The following NOX4 variants were observed in gnomAD, a reference collection of about 807,000 sequenced individuals.
The protein encoded by NOX4 is kidney oxidase-1.
In NOX4, 69 loss-of-function variants were observed where a neutral mutation model predicts 87.6. The observed-to-expected ratio is 0.79, with a 90% CI of 0.65 to 0.96. NOX4 has a LOEUF of 0.96. NOX4 is among the 40% of genes least tolerant of loss of function. The probability of loss-of-function intolerance (pLI) is 0.00; values close to 1 mark genes in which losing one functional copy is unlikely to be tolerated. For missense variants in NOX4, 680 were observed against 681.5 expected, an observed-to-expected ratio of 1.00 and a Z score of 0.02; for synonymous variants, 275 against 238.2, an observed-to-expected ratio of 1.15 and a Z score of -1.42.
the NOX4 span, among the ~76,000 whole-genome samples, chr11:89,523,155 C>G: frequency 1.3e-5 from 2 of 152,126 alleles, no homozygotes; most frequent in African/African-American, 4.8e-5. Flanking sequence ...TCCCGATTAG[C>G]TGGGACTACA....
In NOX4 at chr11:89,459,975, G is replaced by A. The variant is rs544712094; in HGVS notation, c.154-8080C>T. 1.2e-4 allele frequency among the ~76,000 whole-genome samples: 18 copies of A among 152,174 alleles called. 1 individual carries two copies. The East Asian group carries it at 2.1e-3, about 18-fold the overall frequency. ...TACCAAAACAGAGATATAGACCAATGGAACAGAACAGAGCCCTCAGAAATA... is the reference window on the plus strand; with the variant it reads ...TACCAAAACAGAGATATAGACCAATAGAACAGAACAGAGCCCTCAGAAATA... On this transcript the variant is annotated intron_variant, in intron 2 of 17. Transcript: ENST00000263317.
At chr11:89,439,004 A>G (rs1441337486) in intron 6 of NOX4, among the ~76,000 whole-genome samples, 1 of 110,580 alleles carries the variant, frequency 9.0e-6, no homozygotes, top group Non-Finnish European at 1.7e-5. Context: ...ATATAATATT[A>G]GTAATATTAG....
chr11:89,343,321 A>G (rs559676294), intron 13 of NOX4, among the ~76,000 whole-genome samples: 1 of 152,336 alleles, frequency 6.6e-6, no homozygotes, highest in South Asian at 2.1e-4. Flanking sequence ...AACGGTATCA[A>G]TGAGTGCCTA....
At chr11:89,511,675 A>T in the NOX4 span, among the ~76,000 whole-genome samples, 5 of 152,020 alleles carry the variant, frequency 3.3e-5, no homozygotes, top group African/African-American at 1.2e-4. Context: ...TCTTGAAGCC[A>T]AAGTGGAAGC....
chr11:89,430,371 A>C (rs927042412), intron 7 of NOX4, among the ~76,000 whole-genome samples: 3 of 152,196 alleles, frequency 2.0e-5, no homozygotes, highest in Non-Finnish European at 4.4e-5. Context: ...AGGCAGGAGA[A>C]AGAAATAAAG....
At chr11:89,434,976 T>C (rs1440890234) in intron 6 of NOX4, among the ~76,000 whole-genome samples, 1 of 152,010 alleles carries the variant, frequency 6.6e-6, no homozygotes, top group Non-Finnish European at 1.5e-5. Flanking sequence ...GAGGGCAAGA[T>C]GCGTTATAAA....
At chr11:89,495,038 G>A (rs1253472778), upstream of NOX4, among the ~76,000 whole-genome samples, 1 of 152,146 alleles carries the variant, frequency 6.6e-6, no homozygotes, top group Non-Finnish European at 1.5e-5. Flanking sequence ...GACCACCCAA[G>A]CTCAGGTGAT....
At chr11:89,405,115 T>TGTGTGTGTGTGTGTGTGTGTG (rs58137988) in intron 8 of NOX4, among the ~76,000 whole-genome samples, 81 of 149,974 alleles carry the variant, frequency 5.4e-4, no homozygotes, top group African/African-American at 9.1e-4. Flanking sequence ...TGTGTGTGTG[T>TGTGTGTGTGTGTGTGTGTGTG]TGGAATGGGG....
At chr11:89,393,126 A>T (rs1941238489) in intron 11 of NOX4, among the ~76,000 whole-genome samples, 1 of 152,158 alleles carries the variant, frequency 6.6e-6, no homozygotes, top group African/African-American at 2.4e-5. Context: ...CTCAAAAGGC[A>T]TCTGGCTACA....
chr11:89,442,806 G>C (rs1479405348), intron 5 of NOX4, among the ~76,000 whole-genome samples: 1 of 152,026 alleles, frequency 6.6e-6, no homozygotes, highest in Non-Finnish European at 1.5e-5. Flanking sequence ...TTAAGCAAAA[G>C]TTTATTCCAT....
At chr11:89,346,355 A>T (rs954948125) in intron 13 of NOX4, among the ~76,000 whole-genome samples, 1 of 152,178 alleles carries the variant, frequency 6.6e-6, no homozygotes, top group Non-Finnish European at 1.5e-5. Context: ...CCATAAAATA[A>T]TCATGCTAAC....
intron 13 of NOX4, among the ~76,000 whole-genome samples, chr11:89,352,173 T>G (rs1946486929): frequency 6.6e-6 from 1 of 152,134 alleles, no homozygotes; most frequent in Non-Finnish European, 1.5e-5. Flanking sequence ...TGTATGTTAT[T>G]CTGGTGATGG....
chr11:89,504,986 C>A, the NOX4 span, among the ~76,000 whole-genome samples: 1 of 152,032 alleles, frequency 6.6e-6, no homozygotes, highest in East Asian at 1.9e-4. Context: ...TTGGTTGCCA[C>A]CTTGCCTTCT....
At chr11:89,436,595 ATTG>A (rs1944092082) in intron 6 of NOX4, among the ~76,000 whole-genome samples, 1 of 152,170 alleles carries the variant, frequency 6.6e-6, no homozygotes, top group African/African-American at 2.4e-5. Flanking sequence ...ATTGCATGAC[ATTG>A]TAATTTCTAG....
At chr11:89,451,930 G>A in intron 2 of NOX4, 35 bp from the exon 3 acceptor site, 1 of 1,431,908 alleles carries the variant, frequency 7.0e-7, no homozygotes, top group Non-Finnish European at 9.9e-7. Flanking sequence ...ACACAGTTAA[G>A]GACAGTAGTA....
At chr11:89,464,605 T>C (rs1376412907) in intron 2 of NOX4, among the ~76,000 whole-genome samples, 3 of 152,168 alleles carry the variant, frequency 2.0e-5, no homozygotes, top group African/African-American at 7.2e-5. Context: ...CTAAGTTATG[T>C]GTCCAGTCCA....
intron 12 of NOX4, among the ~76,000 whole-genome samples, chr11:89,368,897 C>T (rs1939223046): frequency 1.3e-5 from 2 of 152,092 alleles, no homozygotes; most frequent in Admixed American, 1.3e-4. Flanking sequence ...AACAACTCCA[C>T]ATCCTCTCTT....
rs146513999 is a variant in NOX4, at chr11:89,438,818, T to G, written c.475+1870A>C. Among the ~76,000 whole-genome samples the G allele has an allele frequency of 1.1e-3, 4 of 3,662 alleles. 1 individual carries two copies. Among genetic ancestry groups the G allele is most frequent in the South Asian group, 8.1e-3 (1 of 124 alleles). 2.4% of individuals were successfully genotyped at this position (3,662 alleles called of 152,430 possible). A position where few individuals can be genotyped will look rare whatever the true frequency, so the allele number is the denominator to read the frequency against. ...TATAATATATTATATATTATATATA[T>G]TATATAATATCTTATATATTATATA... On this transcript the variant is annotated intron_variant, in intron 6 of 17. Coordinates refer to ENST00000263317, the MANE Select transcript of NOX4 (RefSeq NM_016931.5).
At chr11:89,348,900 C>G (rs1946329866) in intron 13 of NOX4, among the ~76,000 whole-genome samples, 1 of 152,112 alleles carries the variant, frequency 6.6e-6, no homozygotes, top group African/African-American at 2.4e-5. Context: ...ACAGTACTAC[C>G]TAACTTATAG....
Sources: gnomAD v4.1 joint callset for allele counts (sites outside exome capture counted in the v4.1 genomes callset) on GRCh38, gnomAD v4.1.1 for gene constraint, MANE v1.5 for transcripts, NCBI Gene and HGNC (gene_info 2026-07-23, HGNC 2026-07-21) for gene names.